RBPJ: variants seen among roughly 807,000 people sequenced by gnomAD.
RBPJ encodes the protein recombining binding protein suppressor of hairless.
A neutral mutation model predicts 67.8 loss-of-function variants in RBPJ; 9 were observed. The ratio of observed to expected loss-of-function variants is 0.13; its 90% CI spans 0.08 to 0.23. RBPJ has a LOEUF of 0.23. Among genes scored for constraint, RBPJ ranks in the 10% least tolerant of loss-of-function variants. The pLI, the probability that RBPJ is intolerant of heterozygous loss-of-function variation, is 1.00. For synonymous variants in RBPJ, 198 were observed against 203.3 expected, an observed-to-expected ratio of 0.97 and a Z score of 0.22; for missense variants, 305 against 595.6, an observed-to-expected ratio of 0.51 and a Z score of 5.08.
chr4:26,201,404 C>T lies in RBPJ; in HGVS notation c.-167+37790C>T, dbSNP rs77426134. On this transcript the variant is annotated intron_variant, in intron 1 of 4. Transcript: ENST00000512351. ...AGCATAAAGAGCTTTAGCTCTATTA[C>T]AGTGACTCTTTGTCAAAAACATGTC... Among the ~76,000 whole-genome samples, 403 of 152,312 alleles carry T rather than the reference C, an allele frequency of 2.6e-3. 1 individual carries two copies. The highest frequency in any genetic ancestry group is 0.024 in the Middle Eastern group (7 of 294).
intron 1 of RBPJ, among the ~76,000 whole-genome samples, chr4:26,237,300 TTG>T (rs1205281274): frequency 1.3e-5 from 2 of 152,158 alleles, no homozygotes; most frequent in African/African-American, 2.4e-5. Context: ...TTTTTCAAAT[TTG>T]TGTCCTGGGA....
At chr4:26,237,363 A>G (rs1442786402) in intron 1 of RBPJ, among the ~76,000 whole-genome samples, 1 of 152,130 alleles carries the variant, frequency 6.6e-6, no homozygotes, top group Non-Finnish European at 1.5e-5. Flanking sequence ...AAAAAAAATC[A>G]TTATGGTCGA....
At position 26,253,307 on chromosome 4, in the gene RBPJ, C is replaced by CTTTTTTT. The variant is rs1182769419; in HGVS notation, c.-167+89709_-167+89715dup. On this transcript the variant is annotated intron_variant, in intron 1 of 4. Coordinates refer to the RBPJ transcript ENST00000512351. ...TATCAGATATCTTAATCTGCTATTT[C>CTTTTTTT]TTTTTTTTTTTTTTTTTTTTTTGAG... Among the ~76,000 whole-genome samples, 738 of 114,352 alleles carry CTTTTTTT rather than the reference C, an allele frequency of 6.5e-3. 8 individuals carry two copies. Among genetic ancestry groups the CTTTTTTT allele is most frequent in the African/African-American group, 0.016 (480 of 30,506 alleles). 75.0% of individuals were successfully genotyped at this position (114,352 alleles called of 152,430 possible).
At chr4:26,412,751 T>C (rs1027245437) in intron 3 of RBPJ, among the ~76,000 whole-genome samples, 4 of 152,170 alleles carry the variant, frequency 2.6e-5, no homozygotes, top group African/African-American at 9.7e-5. Context: ...GGAGATGTGT[T>C]TCCAAAATTG....
the RBPJ span, among the ~76,000 whole-genome samples, chr4:26,128,565 A>C: frequency 6.6e-6 from 1 of 152,278 alleles, no homozygotes; most frequent in Non-Finnish European, 1.5e-5. Flanking sequence ...CAAATCCCAC[A>C]CTTTGTAAAT....
intron 1 of RBPJ, chr4:26,362,397 G>A: frequency 8.2e-6 from 10 of 1,223,328 alleles, no homozygotes; most frequent in Non-Finnish European, 1.1e-5. Context: ...TGCACTAGCA[G>A]TTTAACATAC....
chr4:26,249,057 T>G (rs1720014070), intron 1 of RBPJ, among the ~76,000 whole-genome samples: 1 of 152,214 alleles, frequency 6.6e-6, no homozygotes, highest in Non-Finnish European at 1.5e-5. Context: ...AGTAGTCTTT[T>G]GCCTAGCACA....
chr4:26,319,906 G>GA, upstream of RBPJ: 2 of 1,581,290 alleles, frequency 1.3e-6, no homozygotes, highest in Non-Finnish European at 1.7e-6. Context: ...GAGGGGGCGG[G>GA]ATTCGGGCCC....
chr4:26,426,152 A>G (rs953351536), intron 7 of RBPJ, among the ~76,000 whole-genome samples: 1 of 152,180 alleles, frequency 6.6e-6, no homozygotes, highest in Non-Finnish European at 1.5e-5. Context: ...CAAGCAAAAA[A>G]TCTGAATCAG....
At chr4:26,354,451 GTT>G (rs35328021) in intron 1 of RBPJ, among the ~76,000 whole-genome samples, 52,424 of 116,802 alleles carry the variant, frequency 0.45, 8,913 homozygotes, top group Middle Eastern at 0.58. Context: ...AAAGATTTCT[GTT>G]TTTTTTTTTT....
intron 2 of RBPJ, among the ~76,000 whole-genome samples, chr4:26,392,736 G>A (rs1306053689): frequency 1.3e-5 from 2 of 152,146 alleles, no homozygotes; most frequent in Non-Finnish European, 2.9e-5. Flanking sequence ...TTTGATTTTG[G>A]TGATGGTGTA....
intron 1 of RBPJ, among the ~76,000 whole-genome samples, chr4:26,221,184 G>A (rs1452450385): frequency 2.0e-5 from 3 of 152,138 alleles, no homozygotes; most frequent in Non-Finnish European, 4.4e-5. Flanking sequence ...TCCGCCTCCT[G>A]GGTTCACGCC....
chr4:26,288,830 G>T (rs1207341190), intron 1 of RBPJ, among the ~76,000 whole-genome samples: 1 of 152,122 alleles, frequency 6.6e-6, no homozygotes, highest in Admixed American at 6.5e-5. Flanking sequence ...TTAAAAATGA[G>T]GAAATGGAAG....
intron 1 of RBPJ, among the ~76,000 whole-genome samples, chr4:26,232,413 A>C (rs761615837): frequency 7.9e-5 from 12 of 151,830 alleles, no homozygotes; most frequent in Admixed American, 3.9e-4. Context: ...GCCCTTAATT[A>C]CTTTTTGTAG....
chr4:26,265,326 C>G (rs1218996289), intron 1 of RBPJ, among the ~76,000 whole-genome samples: 1 of 151,646 alleles, frequency 6.6e-6, no homozygotes, highest in East Asian at 2.0e-4. Flanking sequence ...GTCAGGAGAT[C>G]GAGACCAGCC....
At chr4:26,121,501 AAGG>A in the RBPJ span, among the ~76,000 whole-genome samples, 3 of 152,070 alleles carry the variant, frequency 2.0e-5, no homozygotes, top group Non-Finnish European at 4.4e-5. Flanking sequence ...ACCCCCTAAG[AAGG>A]AGAAGATCAG....
At chr4:26,175,953 G>A (rs1716781344) in intron 1 of RBPJ, among the ~76,000 whole-genome samples, 2 of 152,194 alleles carry the variant, frequency 1.3e-5, no homozygotes, top group African/African-American at 4.8e-5. Flanking sequence ...AAGAGGGAAA[G>A]GTGTGGAGAA....
chr4:26,155,799 G>T, the RBPJ span, among the ~76,000 whole-genome samples: 1 of 152,176 alleles, frequency 6.6e-6, no homozygotes, highest in Non-Finnish European at 1.5e-5. Flanking sequence ...AGGTCAGAGA[G>T]AGAAAACCTG....
upstream of RBPJ, among the ~76,000 whole-genome samples, chr4:26,318,557 A>C (rs1386953273): frequency 6.6e-6 from 1 of 152,244 alleles, no homozygotes; most frequent in African/African-American, 2.4e-5. Flanking sequence ...GGCTAAGAAG[A>C]GACTGACAAG....
Sources: allele counts gnomAD v4.1 joint callset (sites outside exome capture counted in the v4.1 genomes callset), GRCh38; gene constraint gnomAD v4.1.1; transcripts MANE v1.5; gene names NCBI Gene and HGNC (gene_info 2026-07-23, HGNC 2026-07-21).